Variants in KALRN observed in about 807,000 individuals in gnomAD.
The protein encoded by KALRN is kalirin RhoGEF kinase, also known as kalirin.
Under a neutral mutation model 353.7 loss-of-function variants are expected in KALRN, and 70 were observed. The ratio of observed to expected loss-of-function variants is 0.20; its 90% CI spans 0.16 to 0.24. KALRN has a LOEUF of 0.24. KALRN is among the 10% of genes least tolerant of loss of function. KALRN has a pLI of 1.00. For missense variants in KALRN, 2,791 were observed against 3,756.7 expected (o/e 0.74, Z 6.72); for synonymous variants, 1,391 against 1,434.8 (o/e 0.97, Z 0.69).
intron 6 of KALRN, among the ~76,000 whole-genome samples, chr3:124,319,447 T>A (rs1208643512): frequency 6.6e-6 from 1 of 151,330 alleles, no homozygotes; most frequent in East Asian, 1.9e-4. Flanking sequence ...AAGTAGGAGG[T>A]TGAACATAAG....
At chr3:124,077,906 T>C (rs1444648457) in intron 1 of KALRN, among the ~76,000 whole-genome samples, 1 of 152,206 alleles carries the variant, frequency 6.6e-6, no homozygotes, top group Non-Finnish European at 1.5e-5. Context: ...TGTGACATCA[T>C]GGGCAGTTTT....
chr3:124,573,172 C>T (rs1052196623), intron 34 of KALRN, among the ~76,000 whole-genome samples: 20 of 151,906 alleles, frequency 1.3e-4, no homozygotes, highest in African/African-American at 4.1e-4. Flanking sequence ...CTGTCTGGGA[C>T]GTGAGAGAGG....
intron 10 of KALRN, among the ~76,000 whole-genome samples, chr3:124,362,898 A>C (rs9814771): frequency 0.016 from 2,391 of 152,326 alleles, 61 homozygotes; most frequent in African/African-American, 0.054. Flanking sequence ...TTAAAAAAAT[A>C]CAGCTAAGAG....
chr3:124,109,714 G>C lies in KALRN; in HGVS notation c.73+75901G>C, dbSNP rs939537004. ...ATATATCATACTTTGATATATATAT[G>C]ACATATATATCATACTTTGATATAT... On this transcript the variant is annotated intron_variant, in intron 1 of 59. Coordinates refer to ENST00000682506, the MANE Select transcript of KALRN (RefSeq NM_001388419.1). 7.0e-5 allele frequency among the ~76,000 whole-genome samples: 9 copies of C among 128,184 alleles called. 1 individual carries two copies. The East Asian group carries it at 9.7e-4, about 14-fold the overall frequency. The allele number at this position is 128,184 out of a possible 152,430, so 84.1% of individuals were successfully genotyped here.
At chr3:124,450,855 G>A (rs1468907497) in intron 21 of KALRN, among the ~76,000 whole-genome samples, 3 of 152,194 alleles carry the variant, frequency 2.0e-5, no homozygotes, top group South Asian at 2.1e-4. Flanking sequence ...GAGCCACCGC[G>A]CCTGGTCTTT....
At chr3:124,311,064 CTTTTTTTTTT>C (rs71145446) in intron 6 of KALRN, among the ~76,000 whole-genome samples, 52 of 67,526 alleles carry the variant, frequency 7.7e-4, no homozygotes, top group African/African-American at 1.5e-3. Flanking sequence ...GATACTACTT[CTTTTTTTTTT>C]TTTTTTTTTT....
At chr3:124,067,006 G>A (rs529836552) in intron 1 of KALRN, among the ~76,000 whole-genome samples, 5 of 152,336 alleles carry the variant, frequency 3.3e-5, no homozygotes, top group East Asian at 3.9e-4. Flanking sequence ...GTTAGCTGCA[G>A]TGCAGACTGG....
chr3:124,090,551 G>A (rs2061055797), intron 1 of KALRN, among the ~76,000 whole-genome samples: 1 of 152,186 alleles, frequency 6.6e-6, no homozygotes, highest in African/African-American at 2.4e-5. Flanking sequence ...CTCCATGTGG[G>A]GCCCTCTACT....
rs56760777 is a variant in KALRN at position 124,525,467 on chromosome 3, A to C, written c.4935+29054A>C. Reference sequence around the variant, plus strand: ...ATGCATCTGAGTAAAGGGAAGTACCAGGTTGGGGGTGGGGATAAAAAATAA... The same window carrying C: ...ATGCATCTGAGTAAAGGGAAGTACCCGGTTGGGGGTGGGGATAAAAAATAA... On this transcript the variant is annotated intron_variant, in intron 33 of 59. Coordinates refer to ENST00000682506, the MANE Select transcript of KALRN (RefSeq NM_001388419.1). Among the ~76,000 whole-genome samples, 527 of 152,228 alleles carry C rather than the reference A, an allele frequency of 3.5e-3. 3 individuals are homozygous for C. Among genetic ancestry groups the C allele is most frequent in the African/African-American group, 0.012 (509 of 41,520 alleles).
At chr3:124,227,695 T>G (rs1395124616) in intron 1 of KALRN, among the ~76,000 whole-genome samples, 1 of 57,132 alleles carries the variant, frequency 1.8e-5, no homozygotes, top group Non-Finnish European at 4.1e-5. Context: ...TTTTTTTTTT[T>G]TTTTTTTTTT....
At chr3:124,496,206 T>G in intron 32 of KALRN, 105 bp from the exon 33 acceptor site, 1 of 753,206 alleles carries the variant, frequency 1.3e-6, no homozygotes, top group Non-Finnish European at 2.4e-6. Flanking sequence ...TGCTAGAAAG[T>G]GCTGAGGCGC....
At chr3:124,685,388 G>T (rs890694340) in intron 51 of KALRN, among the ~76,000 whole-genome samples, 2 of 152,084 alleles carry the variant, frequency 1.3e-5, no homozygotes, top group African/African-American at 4.8e-5. Context: ...CCTTGCAATT[G>T]CCCTGTGAAG....
chr3:124,678,696 C>T (rs2087476728), intron 50 of KALRN: 1 of 168,244 alleles, frequency 5.9e-6, no homozygotes, highest in Non-Finnish European at 1.3e-5. Context: ...GGATGCCTTC[C>T]AAACCCCCAA....
At chr3:124,182,689 G>A (rs1248851692) in intron 1 of KALRN, among the ~76,000 whole-genome samples, 5 of 152,186 alleles carry the variant, frequency 3.3e-5, no homozygotes, top group Non-Finnish European at 7.3e-5. Flanking sequence ...CAGGCAGGGA[G>A]TATTAACCAA....
At chr3:124,404,787 G>A (rs1450309858) in intron 13 of KALRN, among the ~76,000 whole-genome samples, 1 of 151,844 alleles carries the variant, frequency 6.6e-6, no homozygotes, top group South Asian at 2.1e-4. Context: ...ATCACTACAG[G>A]TTCTTATCTG....
chr3:124,252,848 T>C (rs1328844222), intron 3 of KALRN, among the ~76,000 whole-genome samples: 1 of 152,166 alleles, frequency 6.6e-6, no homozygotes, highest in Non-Finnish European at 1.5e-5. Context: ...TCTCCTGCCT[T>C]CTGGATACCC....
chr3:124,178,436 A>T (rs1213641910), intron 1 of KALRN, among the ~76,000 whole-genome samples: 2 of 152,218 alleles, frequency 1.3e-5, no homozygotes, highest in African/African-American at 2.4e-5. Flanking sequence ...ATTTCATTGT[A>T]CAAACCTCGT....
At chr3:124,484,925 G>A (rs12632843) in intron 28 of KALRN, among the ~76,000 whole-genome samples, 37,894 of 151,884 alleles carry the variant, frequency 0.25, 5,953 homozygotes, top group East Asian at 0.48. Flanking sequence ...CCAACATGGC[G>A]AAACCCCGTC....
At chr3:124,074,664 C>A (rs2060181700) in intron 1 of KALRN, among the ~76,000 whole-genome samples, 1 of 152,192 alleles carries the variant, frequency 6.6e-6, no homozygotes, top group African/African-American at 2.4e-5. Context: ...TCTTGATCAG[C>A]GTTTCTTTCT....
Sources: allele counts gnomAD v4.1 joint callset (sites outside exome capture counted in the v4.1 genomes callset), GRCh38; gene constraint gnomAD v4.1.1; transcripts MANE v1.5; gene names NCBI Gene and HGNC (gene_info 2026-07-23, HGNC 2026-07-21).